HTR4: variants seen among roughly 807,000 people sequenced by gnomAD.
HTR4 encodes 5-hydroxytryptamine (serotonin) receptor 4, G protein-coupled.
HTR4 carries 16 observed loss-of-function variants against 36.8 expected under a neutral mutation model. That is an observed-to-expected ratio of 0.43 (90% CI 0.29 to 0.66). HTR4 has a LOEUF of 0.66. HTR4 is among the 30% of genes least tolerant of loss of function. The pLI, the probability that HTR4 is intolerant of heterozygous loss-of-function variation, is 0.13. For synonymous variants in HTR4, 189 were observed against 185.1 expected (o/e 1.02, Z -0.17); for missense variants, 438 against 490.9 (o/e 0.89, Z 1.02).
intron 2 of HTR4, among the ~76,000 whole-genome samples, chr5:148,580,179 C>CA (rs1322815796): frequency 1.3e-5 from 2 of 151,810 alleles, no homozygotes. Flanking sequence ...TACAGTGAAA[C>CA]AAAAAAAGCT....
At chr5:148,584,318 C>A (rs1467622299) in intron 2 of HTR4, among the ~76,000 whole-genome samples, 1 of 152,100 alleles carries the variant, frequency 6.6e-6, no homozygotes, top group African/African-American at 2.4e-5. Flanking sequence ...GGTGGCAGAG[C>A]CAGGACTAGA....
intron 5 of HTR4, among the ~76,000 whole-genome samples, chr5:148,469,173 TAA>T (rs1755505634): frequency 6.6e-6 from 1 of 152,204 alleles, no homozygotes; most frequent in Admixed American, 6.5e-5. Context: ...TGCTCCACAG[TAA>T]AGTCTATTTG....
At chr5:148,505,076 T>G (rs1346938513) in intron 6 of HTR4, among the ~76,000 whole-genome samples, 1 of 151,924 alleles carries the variant, frequency 6.6e-6, no homozygotes, top group Non-Finnish European at 1.5e-5. Flanking sequence ...AAGGAGGAGC[T>G]GGTACCATTC....
At chr5:148,627,010 T>G (rs892934268) in intron 2 of HTR4, among the ~76,000 whole-genome samples, 3 of 152,182 alleles carry the variant, frequency 2.0e-5, no homozygotes, top group Non-Finnish European at 4.4e-5. Context: ...TTCCTCTTCC[T>G]CCTCATGCAA....
chr5:148,466,642 T>C lies in HTR4; in HGVS notation c.1077-15370A>G, dbSNP rs151100263. 6.5e-3 allele frequency among the ~76,000 whole-genome samples: 974 copies of C among 150,908 alleles called. 22 individuals are homozygous for C. Among genetic ancestry groups the C allele is most frequent in the African/African-American group, 0.023 (939 of 41,018 alleles). Reference sequence around the variant, plus strand: ...CCTCAGTCCTCCCTACGGTTCAGTTTCCACATCTACACATAGAGACATTAC... The same window carrying C: ...CCTCAGTCCTCCCTACGGTTCAGTTCCCACATCTACACATAGAGACATTAC... On this transcript the variant is annotated intron_variant, in intron 5 of 5. Coordinates refer to the HTR4 transcript ENST00000521530.
chr5:148,581,056 G>C (rs1332138767), intron 2 of HTR4, among the ~76,000 whole-genome samples: 1 of 151,644 alleles, frequency 6.6e-6, no homozygotes, highest in East Asian at 1.9e-4. Flanking sequence ...CCTATCAGGT[G>C]TGAGGTGATA....
chr5:148,469,713 C>T (rs749566117), intron 5 of HTR4, among the ~76,000 whole-genome samples: 2 of 152,206 alleles, frequency 1.3e-5, no homozygotes, highest in Non-Finnish European at 2.9e-5. Context: ...GTCTGCATAA[C>T]CATGCCAGGG....
chr5:148,471,535 G>A (rs1466493134), intron 5 of HTR4, among the ~76,000 whole-genome samples: 1 of 152,174 alleles, frequency 6.6e-6, no homozygotes, highest in Admixed American at 6.5e-5. Flanking sequence ...AGGAAAGAAA[G>A]ATGTTATACG....
chr5:148,555,235 C>A (rs1441822340), intron 2 of HTR4, among the ~76,000 whole-genome samples: 2 of 152,050 alleles, frequency 1.3e-5, no homozygotes, highest in Admixed American at 1.3e-4. Context: ...ACCACCACCA[C>A]CATAAGAATA....
At chr5:148,555,946 T>TCA (rs60289333) in intron 2 of HTR4, among the ~76,000 whole-genome samples, 10,345 of 149,780 alleles carry the variant, frequency 0.069, 643 homozygotes, top group African/African-American at 0.17. Context: ...TTATACTTTG[T>TCA]CACACACACA....
At chr5:148,595,469 A>G (rs1464497578) in intron 2 of HTR4, among the ~76,000 whole-genome samples, 2 of 152,126 alleles carry the variant, frequency 1.3e-5, no homozygotes, top group African/African-American at 4.8e-5. Flanking sequence ...TCTCTTCTTG[A>G]CGAGACTGAT....
At chr5:148,653,971 G>C in intron 1 of HTR4, 91 bp downstream of exon 1, 6 of 760,036 alleles carry the variant, frequency 7.9e-6, no homozygotes, top group Non-Finnish European at 9.6e-6. Context: ...CCAAGCCCCC[G>C]ACCCCGTCGT....
chr5:148,476,999 G>C (rs1755719013), downstream of HTR4, among the ~76,000 whole-genome samples: 1 of 152,156 alleles, frequency 6.6e-6, no homozygotes. Flanking sequence ...GAAGAGTTGA[G>C]CATATTCTGG....
At chr5:148,593,094 A>G (rs1761635941) in intron 2 of HTR4, among the ~76,000 whole-genome samples, 1 of 152,168 alleles carries the variant, frequency 6.6e-6, no homozygotes, top group Non-Finnish European at 1.5e-5. Flanking sequence ...AAGTACTTAT[A>G]GTTAAAATTT....
chr5:148,606,856 T>C (rs965821760), intron 2 of HTR4, among the ~76,000 whole-genome samples: 2 of 152,218 alleles, frequency 1.3e-5, no homozygotes, highest in African/African-American at 4.8e-5. Context: ...AATAACACTT[T>C]ATTGGAAGTT....
At chr5:148,545,798 T>G (rs1419002169) in intron 4 of HTR4, among the ~76,000 whole-genome samples, 2 of 152,118 alleles carry the variant, frequency 1.3e-5, no homozygotes, top group Non-Finnish European at 2.9e-5. Context: ...TGAAAAACCT[T>G]GTATGAGTCT....
intron 6 of HTR4, among the ~76,000 whole-genome samples, chr5:148,497,258 T>C (rs1398133247): frequency 6.6e-5 from 10 of 152,154 alleles, no homozygotes; most frequent in Admixed American, 6.5e-4. Flanking sequence ...AGTGGCACAG[T>C]AGTATTTTTC....
chr5:148,595,646 A>G (rs1341041994), intron 2 of HTR4, among the ~76,000 whole-genome samples: 1 of 152,178 alleles, frequency 6.6e-6, no homozygotes, highest in African/African-American at 2.4e-5. Context: ...TATTGGCCTG[A>G]CAAGATTGAT....
exon 6 of HTR4, chr5:148,451,080 C>G: frequency 6.4e-7 from 1 of 1,573,854 alleles, no homozygotes; most frequent in Non-Finnish European, 8.6e-7. Context: ...CCCCTACTAC[C>G]TGATGCCTCA....
Sources: gnomAD v4.1 joint callset for allele counts (sites outside exome capture counted in the v4.1 genomes callset) on GRCh38, gnomAD v4.1.1 for gene constraint, MANE v1.5 for transcripts, NCBI Gene and HGNC (gene_info 2026-07-23, HGNC 2026-07-21) for gene names.